The following CA8 variants were observed in gnomAD, a reference collection of about 807,000 sequenced individuals.
CA8 encodes carbonic anhydrase-related protein.
A neutral mutation model predicts 41.4 loss-of-function variants in CA8; 22 were observed. The observed-to-expected ratio is 0.53, with a 90% CI of 0.38 to 0.76. The LOEUF (loss-of-function observed/expected upper bound fraction) is 0.76. CA8 is among the 30% of genes least tolerant of loss of function. The pLI, the probability that CA8 is intolerant of heterozygous loss-of-function variation, is 0.00. For synonymous variants in CA8, 121 were observed against 130.6 expected (o/e 0.93, Z 0.50); for missense variants, 270 against 352.8 (o/e 0.77, Z 1.88).
intron 7 of CA8, among the ~76,000 whole-genome samples, chr8:60,210,555 A>G (rs1165845476): frequency 1.3e-5 from 2 of 152,154 alleles, no homozygotes; most frequent in African/African-American, 4.8e-5. Flanking sequence ...ATAGAGTTGG[A>G]AAAAAATTAA....
In CA8 at chr8:60,281,235, T is replaced by A; in HGVS notation, c.-88A>T. 1 of 922,352 alleles carries A rather than the reference T, an allele frequency of 1.1e-6. No individual in the cohort carries two copies. The highest frequency in any genetic ancestry group is 1.7e-6 in the Non-Finnish European group (1 of 590,180). 57.1% of individuals were successfully genotyped at this position (922,352 alleles called of 1,614,324 possible). A position where few individuals can be genotyped will look rare whatever the true frequency, so the allele number is the denominator to read the frequency against. ...GGCTGGAGCCGGAGCGGAGCGCGCG[T>A]GGGGGAGTGTGAGCACGCGTGAGCG... On this transcript the variant is annotated 5_prime_UTR_variant, in exon 1 of 9. Coordinates refer to ENST00000317995, the MANE Select transcript of CA8 (RefSeq NM_004056.6).
chr8:60,248,780 C>T (rs1808341980), intron 3 of CA8, among the ~76,000 whole-genome samples: 1 of 151,998 alleles, frequency 6.6e-6, no homozygotes, highest in African/African-American at 2.4e-5. Flanking sequence ...TTTTCTAATT[C>T]TGTGAAGAAT....
At chr8:60,257,141 C>G (rs183987634) in intron 3 of CA8, among the ~76,000 whole-genome samples, 90 of 152,232 alleles carry the variant, frequency 5.9e-4, no homozygotes, top group Middle Eastern at 3.4e-3. Context: ...CCATGCCCAG[C>G]TGATTTTTGT....
intron 3 of CA8, among the ~76,000 whole-genome samples, chr8:60,249,764 T>C (rs1281466605): frequency 6.6e-6 from 1 of 152,232 alleles, no homozygotes; most frequent in Non-Finnish European, 1.5e-5. Context: ...AAATGTATTA[T>C]CAGCTAAAGC....
chr8:60,198,860 GTTATTC>G (rs1806348591), intron 8 of CA8, among the ~76,000 whole-genome samples: 1 of 152,048 alleles, frequency 6.6e-6, no homozygotes, highest in African/African-American at 2.4e-5. Flanking sequence ...TAATAACACT[GTTATTC>G]TTATTTACCA....
In CA8 at chr8:60,262,003, C is replaced by T. The variant is rs1251821436; in HGVS notation, c.417+3922G>A. On this transcript the variant is annotated intron_variant, in intron 3 of 8. Transcript: ENST00000317995. ...GGGATTACAGGTGTGAGCCACTGTGCCCAGCCCCACTTTTTTGTAAATTGC... is the reference window on the plus strand; with the variant it reads ...GGGATTACAGGTGTGAGCCACTGTGTCCAGCCCCACTTTTTTGTAAATTGC... 8.5e-5 allele frequency among the ~76,000 whole-genome samples: 13 copies of T among 152,178 alleles called. No homozygotes were observed. In the East Asian group the frequency reaches 2.3e-3, roughly 27 times the overall value.
At chr8:60,258,131 C>T (rs554504183) in intron 3 of CA8, among the ~76,000 whole-genome samples, 3 of 152,340 alleles carry the variant, frequency 2.0e-5, no homozygotes, top group East Asian at 3.9e-4. Context: ...CCCTGCCCAT[C>T]AGCCACTTAA....
chr8:60,215,485 C>A (rs927100519), intron 7 of CA8, among the ~76,000 whole-genome samples: 1 of 151,862 alleles, frequency 6.6e-6, no homozygotes, highest in South Asian at 2.1e-4. Flanking sequence ...GTGATGGGTC[C>A]ACCAAAATCT....
chr8:60,263,181 G>C (rs1268230217), intron 3 of CA8, among the ~76,000 whole-genome samples: 1 of 149,788 alleles, frequency 6.7e-6, no homozygotes, highest in East Asian at 1.9e-4. Context: ...AATTTAGCCT[G>C]GTGTGCTGGC....
intron 8 of CA8, among the ~76,000 whole-genome samples, chr8:60,195,504 A>G (rs950584954): frequency 6.6e-6 from 1 of 152,220 alleles, no homozygotes; most frequent in African/African-American, 2.4e-5. Context: ...CTTTAAGTAC[A>G]GTAATTCAGT....
In CA8 at chr8:60,259,240, T is replaced by C. The variant is rs114171392; in HGVS notation, c.417+6685A>G. Among the ~76,000 whole-genome samples, 695 of 152,302 alleles carry C rather than the reference T, an allele frequency of 4.6e-3. 5 individuals carry two copies. Among genetic ancestry groups the C allele is most frequent in the African/African-American group, 0.016 (655 of 41,546 alleles). ...TATCTGAAAATATATTGACAGAAAA[T>C]GTATTTTACTGCAGAATTTAGATCT... On this transcript the variant is annotated intron_variant, in intron 3 of 8. Coordinates refer to ENST00000317995, the MANE Select transcript of CA8 (RefSeq NM_004056.6).
At chr8:60,204,315 C>T (rs1806517341) in intron 8 of CA8, among the ~76,000 whole-genome samples, 1 of 152,118 alleles carries the variant, frequency 6.6e-6, no homozygotes, top group Admixed American at 6.5e-5. Context: ...TCTACTGTAT[C>T]TAGGGTATCA....
At chr8:60,248,848 G>A (rs983692748) in intron 3 of CA8, among the ~76,000 whole-genome samples, 8 of 151,938 alleles carry the variant, frequency 5.3e-5, no homozygotes, top group South Asian at 4.2e-4. Context: ...AAATTACTTC[G>A]GGCAGTATGG....
In CA8 at chr8:60,281,288, G is replaced by T; in HGVS notation, c.-141C>A. On this transcript the variant is annotated 5_prime_UTR_variant, in exon 1 of 9. Coordinates refer to ENST00000317995, the MANE Select transcript of CA8 (RefSeq NM_004056.6). ...AGTGTGAGTGCGAGAGCGCCTCCGG[G>T]TGTGAACCGCAGTGTGAGTGCAAGC... is the stretch of plus-strand genomic sequence containing the variant. The T allele has an allele frequency of 1.5e-6, 1 of 657,294 alleles. No homozygotes were observed. The highest frequency in any genetic ancestry group is 1.8e-5 in the African/African-American group (1 of 54,740). 40.7% of individuals were successfully genotyped at this position (657,294 alleles called of 1,614,324 possible).
intron 8 of CA8, among the ~76,000 whole-genome samples, chr8:60,203,495 T>C (rs960370447): frequency 3.3e-5 from 5 of 152,128 alleles, no homozygotes; most frequent in African/African-American, 1.2e-4. Flanking sequence ...GTTTTTCCAA[T>C]TGAAAAAATA....
intron 3 of CA8, among the ~76,000 whole-genome samples, chr8:60,237,172 C>T (rs6984526): frequency 0.53 from 80,399 of 151,996 alleles, 21,703 homozygotes; most frequent in African/African-American, 0.61. Flanking sequence ...TTGTTTCAGT[C>T]CTACAACTCT....
chr8:60,190,957 T>TAC lies in CA8; in HGVS notation c.*36-974_*36-973dup, dbSNP rs112367263. The stretch of plus-strand genomic sequence containing the variant: ...CACACACTATATATATATATATATA[T>TAC]ACACACACACATTTCTACATATGCA... On this transcript the variant is annotated intron_variant, in intron 8 of 8. Coordinates refer to ENST00000317995, the MANE Select transcript of CA8 (RefSeq NM_004056.6). 6.8e-4 allele frequency among the ~76,000 whole-genome samples: 71 copies of TAC among 104,062 alleles called. 1 individual carries two copies. The highest frequency in any genetic ancestry group is 1.8e-3 in the African/African-American group (52 of 28,986). 68.3% of individuals were successfully genotyped at this position (104,062 alleles called of 152,430 possible). A position where few individuals can be genotyped will look rare whatever the true frequency, so the allele number is the denominator to read the frequency against.
chr8:60,279,764 T>G lies in CA8; in HGVS notation c.217A>C (p.Asn73His). Residue 73 changes from asparagine (N) to histidine (H), a missense_variant, in exon 2 of 9, where the codon AAT becomes CAT. Coordinates refer to ENST00000317995, the MANE Select transcript of CA8 (RefSeq NM_004056.6). ...TCACAGTCTCGGCACACCACATAAT[T>G]TGGGGAGAGGCGGACATCCAACAGC... is the stretch of plus-strand genomic sequence containing the variant. The part of the protein sequence containing the change: ...PSLLDVRLSP[N>H]YVVCRDCEVT... 2 of 1,614,124 alleles carry G rather than the reference T, an allele frequency of 1.2e-6. No homozygotes were observed.
At chr8:60,218,436 T>A (rs1441548990) in intron 7 of CA8, among the ~76,000 whole-genome samples, 1 of 152,078 alleles carries the variant, frequency 6.6e-6, no homozygotes, top group Non-Finnish European at 1.5e-5. Context: ...AAATGTCGAA[T>A]AATTGCCAAA....
Sources: allele counts gnomAD v4.1 joint callset (sites outside exome capture counted in the v4.1 genomes callset), GRCh38; gene constraint gnomAD v4.1.1; transcripts MANE v1.5; gene names NCBI Gene and HGNC (gene_info 2026-07-23, HGNC 2026-07-21).